The following ERMP1 variants were observed in gnomAD, a reference collection of about 807,000 sequenced individuals.
ERMP1 encodes the protein endoplasmic reticulum metallopeptidase 1, also known as Felix-ina.
Under a neutral mutation model 92.0 loss-of-function variants are expected in ERMP1, and 86 were observed. That is an observed-to-expected ratio of 0.93 (90% CI 0.79 to 1.12). The LOEUF is 1.12. Among genes scored for constraint, ERMP1 ranks in the 50% most tolerant of loss-of-function variants. The probability of loss-of-function intolerance (pLI) is 0.00; values close to 1 mark genes in which losing one functional copy is unlikely to be tolerated. For missense variants in ERMP1, 1,342 were observed against 1,116.3 expected (o/e 1.20, Z -2.88); for synonymous variants, 530 against 412.8 (o/e 1.28, Z -3.44).
intron 6 of ERMP1, among the ~76,000 whole-genome samples, chr9:5,843,290 G>C (rs1302162760): frequency 6.6e-6 from 1 of 152,184 alleles, no homozygotes; most frequent in Non-Finnish European, 1.5e-5. Flanking sequence ...ATTTTTTCAA[G>C]AAATGACAGA....
At chr9:5,809,129 C>T (rs1828987431) in intron 8 of ERMP1, among the ~76,000 whole-genome samples, 1 of 152,180 alleles carries the variant, frequency 6.6e-6, no homozygotes, top group African/African-American at 2.4e-5. Context: ...TCACGCCATT[C>T]TCCTGCCTCA....
At chr9:5,847,869 C>T (rs371498409) in intron 6 of ERMP1, among the ~76,000 whole-genome samples, 131 of 150,054 alleles carry the variant, frequency 8.7e-4, no homozygotes, top group African/African-American at 3.0e-3. Flanking sequence ...TACTCCAGCC[C>T]GGGCGACAGA....
intron 13 of ERMP1, among the ~76,000 whole-genome samples, chr9:5,792,620 T>G (rs887932921): frequency 6.6e-6 from 1 of 152,124 alleles, no homozygotes; most frequent in African/African-American, 2.4e-5. Context: ...TGCAACTTAT[T>G]AAAAGGTTTA....
At chr9:5,838,025 T>C (rs760842761), upstream of ERMP1, among the ~76,000 whole-genome samples, 1 of 152,052 alleles carries the variant, frequency 6.6e-6, no homozygotes, top group Non-Finnish European at 1.5e-5. Flanking sequence ...AAAAGGCACA[T>C]GGGCCAGGAC....
At position 5,813,043 on chromosome 9, in the gene ERMP1, G is replaced by A; in HGVS notation, c.875-8C>T. 3.1e-6 allele frequency: 5 copies of A among 1,613,328 alleles called. No homozygotes were observed. Among genetic ancestry groups the A allele is most frequent in the Non-Finnish European group, 4.2e-6 (5 of 1,179,758 alleles). ...ACCAAGGATTTTCAGGACCTAAAAT[G>A]AAAGATGACAACACAATAGAAGGTA... is the stretch of plus-strand genomic sequence containing the variant. On this transcript the variant is annotated splice_polypyrimidine_tract_variant and splice_region_variant and intron_variant, in intron 4 of 14. Transcript: ENST00000339450.
intron 13 of ERMP1, among the ~76,000 whole-genome samples, chr9:5,788,695 C>T (rs905571951): frequency 6.6e-6 from 1 of 151,746 alleles, no homozygotes; most frequent in Non-Finnish European, 1.5e-5. Flanking sequence ...CAGAAAATTC[C>T]TCTTGGAAAA....
At chr9:5,862,439 C>T (rs1830527312) in intron 5 of ERMP1, among the ~76,000 whole-genome samples, 1 of 151,946 alleles carries the variant, frequency 6.6e-6, no homozygotes, top group Admixed American at 6.6e-5. Flanking sequence ...TTCAAGAGAT[C>T]CTCTCACCTC....
chr9:5,828,100 A>G (rs1829795852), intron 2 of ERMP1, among the ~76,000 whole-genome samples: 1 of 152,212 alleles, frequency 6.6e-6, no homozygotes, highest in African/African-American at 2.4e-5. Context: ...GGAGTTCAAG[A>G]CCAGCCTGGG....
At chr9:5,814,149 T>A (rs183849142) in intron 4 of ERMP1, among the ~76,000 whole-genome samples, 2 of 152,272 alleles carry the variant, frequency 1.3e-5, no homozygotes, top group African/African-American at 2.4e-5. Flanking sequence ...TCCTTAACTT[T>A]GATTTGTGAG....
chr9:5,805,132 A>C lies in ERMP1; in HGVS notation c.1809T>G (p.Phe603Leu), dbSNP rs746751350. ...LYALYLIWAV[F>L]EMFTPILGRS... Reference sequence around the variant, plus strand: ...TCCCGAGGATAGGGGTAAACATCTCAAATACTGCCCAGATGAGGTACAATG... The same window carrying C: ...TCCCGAGGATAGGGGTAAACATCTCCAATACTGCCCAGATGAGGTACAATG... The change falls in exon 10 of 15, where the codon TTT (phenylalanine) becomes TTG (leucine). Residue 603 changes from phenylalanine (F) to leucine (L), a missense_variant. Phe to Leu is a conservative substitution (Grantham distance 22, BLOSUM62 0). Coordinates refer to ENST00000339450, the MANE Select transcript of ERMP1 (RefSeq NM_024896.3). 1.2e-6 allele frequency: 2 copies of C among 1,613,294 alleles called. No homozygotes were observed. The highest frequency in any genetic ancestry group is 1.7e-6 in the Non-Finnish European group (2 of 1,179,422).
rs749814571 is a variant in ERMP1, at chr9:5,805,608, T to TAC, written c.1723+1_1723+2dup. ...ATGTATATCAAAATCAAAAATACCCTACCATGCTGCTTGAAGTCCTTATGC... is the reference window on the plus strand; with the variant it reads ...ATGTATATCAAAATCAAAAATACCCTACACCATGCTGCTTGAAGTCCTTATGC... On this transcript the variant is annotated splice_region_variant and intron_variant, in intron 9 of 14. Transcript: ENST00000339450. The TAC allele has an allele frequency of 8.3e-6, 13 of 1,568,374 alleles. No homozygotes were observed. The highest frequency in any genetic ancestry group is 1.1e-5 in the Non-Finnish European group (13 of 1,164,926).
intron 13 of ERMP1, among the ~76,000 whole-genome samples, chr9:5,788,367 T>G (rs1160812164): frequency 6.6e-6 from 1 of 152,060 alleles, no homozygotes; most frequent in Non-Finnish European, 1.5e-5. Flanking sequence ...GACTTAAAAG[T>G]ATATTATTGA....
chr9:5,815,724 C>G (rs1829278516), intron 4 of ERMP1, among the ~76,000 whole-genome samples: 1 of 151,910 alleles, frequency 6.6e-6, no homozygotes, highest in South Asian at 2.1e-4. Flanking sequence ...AAATCAGTAA[C>G]TTGTACAAAG....
intron 6 of ERMP1, among the ~76,000 whole-genome samples, chr9:5,846,958 T>C (rs1830244089): frequency 6.6e-6 from 1 of 152,150 alleles, no homozygotes; most frequent in African/African-American, 2.4e-5. Context: ...ACAGAGACCA[T>C]TTCCTTCAGG....
chr9:5,854,524 T>A (rs1335796937), intron 6 of ERMP1, among the ~76,000 whole-genome samples: 1 of 152,204 alleles, frequency 6.6e-6, no homozygotes, highest in African/African-American at 2.4e-5. Context: ...TAGTCAGTAG[T>A]TCCATATGGT....
At chr9:5,810,509 A>G (rs1471340835) in intron 7 of ERMP1, among the ~76,000 whole-genome samples, 2 of 152,230 alleles carry the variant, frequency 1.3e-5, no homozygotes, top group Non-Finnish European at 2.9e-5. Context: ...ATGAAGGAAG[A>G]GGATAGTCTT....
chr9:5,819,189 G>A (rs764942972), intron 4 of ERMP1, among the ~76,000 whole-genome samples: 2 of 151,982 alleles, frequency 1.3e-5, no homozygotes, highest in Non-Finnish European at 2.9e-5. Context: ...TGGATGAATG[G>A]ATAAACGAAA....
intron 13 of ERMP1, among the ~76,000 whole-genome samples, chr9:5,797,415 C>T (rs1439916121): frequency 1.3e-5 from 2 of 151,786 alleles, no homozygotes; most frequent in Admixed American, 6.6e-5. Flanking sequence ...TTTGGGAGGC[C>T]GAGGCAGGCA....
intron 5 of ERMP1, among the ~76,000 whole-genome samples, chr9:5,860,111 G>C (rs555305593): frequency 3.3e-4 from 49 of 147,508 alleles, no homozygotes; most frequent in African/African-American, 1.2e-3. Context: ...AGCCGGGGCA[G>C]TATAGTGAGA....
Sources: allele counts gnomAD v4.1 joint callset (sites outside exome capture counted in the v4.1 genomes callset), GRCh38; gene constraint gnomAD v4.1.1; transcripts MANE v1.5; gene names NCBI Gene and HGNC (gene_info 2026-07-23, HGNC 2026-07-21).